The following PTER variants were observed in gnomAD, a reference collection of about 807,000 sequenced individuals.
The protein encoded by PTER is N-acetyltaurine hydrolase.
A neutral mutation model predicts 29.6 loss-of-function variants in PTER; 38 were observed. The observed-to-expected ratio is 1.28, with a 90% CI of 0.99 to 1.68. The LOEUF is 1.68. Among genes scored for constraint, PTER ranks in the 40% most tolerant of loss-of-function variants. PTER has a pLI of 0.00. For synonymous variants in PTER, 172 were observed against 154.5 expected (o/e 1.11, Z -0.84); for missense variants, 482 against 427.8 (o/e 1.13, Z -1.12).
chr10:16,499,424 A>G (rs59800142), intron 3 of PTER, among the ~76,000 whole-genome samples: 220 of 149,526 alleles, frequency 1.5e-3, no homozygotes, highest in African/African-American at 5.2e-3. Flanking sequence ...TTTTAATTTA[A>G]TTATTTTATT....
At chr10:16,476,899 T>TAC (rs1835286482) in intron 1 of PTER, among the ~76,000 whole-genome samples, 1 of 134,938 alleles carries the variant, frequency 7.4e-6, no homozygotes, top group African/African-American at 3.4e-5. Context: ...CATCCTAGAA[T>TAC]TCTTTTTTTT....
intron 2 of PTER, among the ~76,000 whole-genome samples, chr10:16,485,264 T>C (rs1835651550): frequency 6.6e-6 from 1 of 152,188 alleles, no homozygotes. Context: ...AGTCAAAGAC[T>C]TGGCACATTT....
intron 1 of PTER, among the ~76,000 whole-genome samples, chr10:16,481,369 A>T (rs1023938890): frequency 1.3e-5 from 2 of 152,186 alleles, no homozygotes; most frequent in Admixed American, 1.3e-4. Flanking sequence ...GGGGAAGGCC[A>T]TGAATAACCT....
chr10:16,496,504 C>T (rs1836107148), intron 3 of PTER, among the ~76,000 whole-genome samples: 1 of 152,178 alleles, frequency 6.6e-6, no homozygotes, highest in African/African-American at 2.4e-5. Context: ...TTCTATTTCC[C>T]CTTATCTATT....
chr10:16,472,729 T>G (rs1835099732), intron 1 of PTER, among the ~76,000 whole-genome samples: 1 of 152,228 alleles, frequency 6.6e-6, no homozygotes, highest in African/African-American at 2.4e-5. Flanking sequence ...ACTTTACTTC[T>G]TTGGCATTTG....
chr10:16,511,425 T>C lies in PTER; in HGVS notation c.*169T>C, dbSNP rs983105649. On this transcript the variant is annotated 3_prime_UTR_variant, in exon 5 of 5. Coordinates refer to ENST00000535784, the MANE Select transcript of PTER (RefSeq NM_001261836.2). Reference sequence around the variant, plus strand: ...TCTCTGAGACCAGCTATTACAACTGTGCCTCTAGGGAGTTACTCAGCCTAA... The same window carrying C: ...TCTCTGAGACCAGCTATTACAACTGCGCCTCTAGGGAGTTACTCAGCCTAA... 6.3e-6 allele frequency: 4 copies of C among 636,804 alleles called. No individual in the cohort carries two copies. The highest frequency in any genetic ancestry group is 1.1e-5 in the Non-Finnish European group (4 of 363,784). The allele number at this position is 636,804 out of a possible 1,614,324, so 39.4% of individuals were successfully genotyped here. A position where few individuals can be genotyped will look rare whatever the true frequency, so the allele number is the denominator to read the frequency against.
intron 4 of PTER, among the ~76,000 whole-genome samples, chr10:16,507,370 T>A (rs983601094): frequency 6.6e-6 from 1 of 152,034 alleles, no homozygotes; most frequent in African/African-American, 2.4e-5. Context: ...GGGGGAGCAG[T>A]AGTTCCCTAT....
At chr10:16,498,839 A>C (rs906703280) in intron 3 of PTER, among the ~76,000 whole-genome samples, 3 of 152,206 alleles carry the variant, frequency 2.0e-5, no homozygotes, top group African/African-American at 4.8e-5. Context: ...ATGCAACTTC[A>C]GTAGCGCTTT....
At chr10:16,442,031 A>G (rs891100110) in intron 1 of PTER, among the ~76,000 whole-genome samples, 2 of 152,190 alleles carry the variant, frequency 1.3e-5, no homozygotes, top group Non-Finnish European at 2.9e-5. Flanking sequence ...ATAGCAACTT[A>G]TCTTGCAGTG....
At chr10:16,469,661 C>T (rs1305595888) in intron 1 of PTER, among the ~76,000 whole-genome samples, 2 of 152,126 alleles carry the variant, frequency 1.3e-5, no homozygotes, top group African/African-American at 2.4e-5. Flanking sequence ...CTCATAGCCT[C>T]GAGTCCAGGC....
At chr10:16,474,817 G>A (rs150414690) in intron 1 of PTER, among the ~76,000 whole-genome samples, 18,569 of 152,118 alleles carry the variant, frequency 0.12, 1,373 homozygotes, top group South Asian at 0.23. Context: ...AACCCAGGAA[G>A]CAGAGGTTGC....
At chr10:16,448,391 G>A (rs1019156741) in intron 1 of PTER, among the ~76,000 whole-genome samples, 4 of 152,168 alleles carry the variant, frequency 2.6e-5, no homozygotes, top group African/African-American at 9.7e-5. Flanking sequence ...TTGATAAATG[G>A]GTGGGAGTAA....
chr10:16,455,615 T>C (rs576152024), intron 1 of PTER, among the ~76,000 whole-genome samples: 30 of 152,198 alleles, frequency 2.0e-4, no homozygotes, highest in African/African-American at 7.0e-4. Flanking sequence ...CACTTGTACC[T>C]GGGAGGCTGA....
chr10:16,459,681 G>A lies in PTER; in HGVS notation c.-49+22634G>A, dbSNP rs111822612. On this transcript the variant is annotated intron_variant, in intron 1 of 4. Coordinates refer to ENST00000535784, the MANE Select transcript of PTER (RefSeq NM_001261836.2). The stretch of plus-strand genomic sequence containing the variant: ...TCTAAATATAGTTGAGTTTTTGTTA[G>A]TAAGTATTTGCTTTGCACTTAGATA... Among the ~76,000 whole-genome samples the A allele has an allele frequency of 4.6e-5, 7 of 152,202 alleles. No individual in the cohort carries two copies. In the East Asian group the frequency reaches 7.7e-4, roughly 17 times the overall value.
downstream of PTER, among the ~76,000 whole-genome samples, chr10:16,516,445 T>C (rs902926787): frequency 6.6e-6 from 1 of 152,186 alleles, no homozygotes; most frequent in African/African-American, 2.4e-5. Flanking sequence ...TTCTCATCTT[T>C]GGATTTTTAA....
At chr10:16,455,373 G>T (rs1011387191) in intron 1 of PTER, among the ~76,000 whole-genome samples, 8 of 151,954 alleles carry the variant, frequency 5.3e-5, no homozygotes, top group Non-Finnish European at 1.2e-4. Context: ...ATTTGCAACC[G>T]TGGCATAAAA....
rs551603770 is a variant in PTER at position 16,508,276 on chromosome 10, G to A, written c.840-2770G>A. Reference sequence around the variant, plus strand: ...GTAGAGACGGGGTTTCACCGTGTTAGCCAGGATGGTCTTGATCTCCTGACC... The same window carrying A: ...GTAGAGACGGGGTTTCACCGTGTTAACCAGGATGGTCTTGATCTCCTGACC... On this transcript the variant is annotated intron_variant, in intron 4 of 4. Coordinates refer to ENST00000535784, the MANE Select transcript of PTER (RefSeq NM_001261836.2). 1.8e-4 allele frequency among the ~76,000 whole-genome samples: 28 copies of A among 152,028 alleles called. No individual in the cohort carries two copies. In the South Asian group the frequency reaches 5.4e-3, roughly 29 times the overall value.
intron 1 of PTER, among the ~76,000 whole-genome samples, chr10:16,439,619 C>A (rs537111131): frequency 1.8e-4 from 28 of 152,322 alleles, no homozygotes; most frequent in Non-Finnish European, 8.8e-5. Flanking sequence ...TAAATGTCCA[C>A]CTTTGCTTCC....
chr10:16,481,904 A>G (rs1324978056), intron 1 of PTER, among the ~76,000 whole-genome samples: 1 of 152,166 alleles, frequency 6.6e-6, no homozygotes, highest in African/African-American at 2.4e-5. Context: ...GATTTCATCA[A>G]CGGAAGGCAT....
Sources: gnomAD v4.1 joint callset for allele counts (sites outside exome capture counted in the v4.1 genomes callset) on GRCh38, gnomAD v4.1.1 for gene constraint, MANE v1.5 for transcripts, NCBI Gene and HGNC (gene_info 2026-07-23, HGNC 2026-07-21) for gene names.